Variants in SLC4A4 observed in about 807,000 individuals in gnomAD.
The protein encoded by SLC4A4 is solute carrier family 4 member 4.
A neutral mutation model predicts 111.5 loss-of-function variants in SLC4A4; 27 were observed. The observed-to-expected ratio is 0.24, with a 90% CI of 0.18 to 0.33. SLC4A4 has a LOEUF of 0.33. SLC4A4 is among the 10% of genes least tolerant of loss of function. The pLI, the probability that SLC4A4 is intolerant of heterozygous loss-of-function variation, is 1.00. For missense variants in SLC4A4, 909 were observed against 1,315.5 expected, an observed-to-expected ratio of 0.69 and a Z score of 4.78; for synonymous variants, 443 against 463.4, an observed-to-expected ratio of 0.96 and a Z score of 0.57.
intron 1 of SLC4A4, among the ~76,000 whole-genome samples, chr4:71,066,228 G>C (rs1432735145): frequency 6.6e-6 from 1 of 152,148 alleles, no homozygotes; most frequent in Admixed American, 6.5e-5. Context: ...ATTTGAACCA[G>C]GATCTCTCTG....
chr4:71,219,543 C>T (rs1477438148), intron 1 of SLC4A4, among the ~76,000 whole-genome samples: 1 of 152,194 alleles, frequency 6.6e-6, no homozygotes, highest in African/African-American at 2.4e-5. Flanking sequence ...CATTCTGCAG[C>T]TCATGGATCA....
At chr4:71,076,548 A>C (rs1741835218) in intron 1 of SLC4A4, among the ~76,000 whole-genome samples, 2 of 151,788 alleles carry the variant, frequency 1.3e-5, no homozygotes, top group Non-Finnish European at 2.9e-5. Context: ...AAAAAAAAGT[A>C]TCAACTTTAA....
chr4:71,390,859 A>G (rs768118014), intron 6 of SLC4A4, among the ~76,000 whole-genome samples: 2 of 152,150 alleles, frequency 1.3e-5, no homozygotes, highest in Non-Finnish European at 2.9e-5. Context: ...CTATGTGACC[A>G]TGAACTTAAC....
intron 1 of SLC4A4, among the ~76,000 whole-genome samples, chr4:71,067,758 T>G (rs1741559295): frequency 1.3e-5 from 2 of 152,124 alleles, no homozygotes; most frequent in African/African-American, 2.4e-5. Context: ...TTAAACTTTT[T>G]TTTTTTTGAG....
intron 12 of SLC4A4, among the ~76,000 whole-genome samples, chr4:71,455,875 T>C (rs1577948779): frequency 6.6e-6 from 1 of 152,178 alleles, no homozygotes; most frequent in East Asian, 1.9e-4. Flanking sequence ...AACTTCTTTA[T>C]GAGTAGGTTT....
intron 6 of SLC4A4, among the ~76,000 whole-genome samples, chr4:71,366,487 A>G (rs1731337961): frequency 1.3e-5 from 2 of 152,126 alleles, no homozygotes; most frequent in African/African-American, 4.8e-5. Context: ...CTTTTTCTAC[A>G]GTCTAAATAT....
In SLC4A4 at chr4:71,557,578, T is replaced by G. The variant is rs1736584463; in HGVS notation, c.2764-134T>G. On this transcript the variant is annotated intron_variant, in intron 21 of 25. Coordinates refer to ENST00000264485, the MANE Select transcript of SLC4A4 (RefSeq NM_001098484.3). ...GTGCTTGACTAAATTTCTGCATTCC[T>G]TGACCATTCCTTTGTCCTCTGAAAA... 4 of 843,408 alleles carry G rather than the reference T, an allele frequency of 4.7e-6. No individual in the cohort carries two copies. The South Asian group carries it at 5.8e-5, about 12-fold the overall frequency. The allele number at this position is 843,408 out of a possible 1,614,324, so 52.2% of individuals were successfully genotyped here.
At chr4:71,364,709 T>G (rs1341891598) in intron 6 of SLC4A4, among the ~76,000 whole-genome samples, 6 of 152,202 alleles carry the variant, frequency 3.9e-5, no homozygotes, top group Admixed American at 3.9e-4. Flanking sequence ...AGATTAGGCT[T>G]CAACAGAAGA....
At chr4:71,379,421 G>T (rs1055337393) in intron 6 of SLC4A4, among the ~76,000 whole-genome samples, 1 of 151,846 alleles carries the variant, frequency 6.6e-6, no homozygotes, top group Admixed American at 6.6e-5. Context: ...TGTTCCAATT[G>T]CCCCCTCTTG....
intron 2 of SLC4A4, among the ~76,000 whole-genome samples, chr4:71,114,240 G>A (rs918350267): frequency 2.0e-5 from 3 of 151,952 alleles, no homozygotes; most frequent in African/African-American, 4.8e-5. Context: ...AGCGAGACTC[G>A]CTCTCAAAAA....
intron 9 of SLC4A4, among the ~76,000 whole-genome samples, chr4:71,448,479 AT>A (rs1377127799): frequency 6.6e-6 from 1 of 152,008 alleles, no homozygotes; most frequent in African/African-American, 2.4e-5. Flanking sequence ...TGGATAATGC[AT>A]TTTTTCTTAG....
chr4:71,553,580 G>C (rs1383851417), intron 20 of SLC4A4, among the ~76,000 whole-genome samples: 1 of 151,530 alleles, frequency 6.6e-6, no homozygotes, highest in Non-Finnish European at 1.5e-5. Context: ...TTTCCTTCCA[G>C]CTGCCCCACC....
rs1383476914 is a variant in SLC4A4 at position 71,438,693 on chromosome 4, A to AAT, written c.808-1921_808-1920dup. On this transcript the variant is annotated intron_variant, in intron 7 of 25. Coordinates refer to ENST00000264485, the MANE Select transcript of SLC4A4 (RefSeq NM_001098484.3). ...TCTCAAATCCTTCTACCAGAACTTT[A>AAT]ATAACATTTATTCAAAATCAAATAT... Among the ~76,000 whole-genome samples, 51 of 152,302 alleles carry AAT rather than the reference A, an allele frequency of 3.3e-4. 1 individual carries two copies. The highest frequency in any genetic ancestry group is 3.0e-3 in the Admixed American group (46 of 15,300).
chr4:71,494,365 A>T (rs1232084103), intron 15 of SLC4A4, among the ~76,000 whole-genome samples: 1 of 151,984 alleles, frequency 6.6e-6, no homozygotes, highest in African/African-American at 2.4e-5. Context: ...CCAGGCTGGC[A>T]TATAGCGGCA....
intron 2 of SLC4A4, among the ~76,000 whole-genome samples, chr4:71,172,757 A>C (rs1016906840): frequency 1.3e-5 from 2 of 152,220 alleles, no homozygotes; most frequent in African/African-American, 4.8e-5. Context: ...CATCAGGCTC[A>C]GTGCCTAGAT....
intron 7 of SLC4A4, among the ~76,000 whole-genome samples, chr4:71,436,018 G>A (rs368361549): frequency 6.6e-6 from 1 of 152,200 alleles, no homozygotes; most frequent in East Asian, 1.9e-4. Flanking sequence ...CAAGGATCTT[G>A]AACTAGAAAT....
intron 14 of SLC4A4, among the ~76,000 whole-genome samples, chr4:71,485,242 C>G (rs569136765): frequency 6.6e-6 from 1 of 151,728 alleles, no homozygotes; most frequent in South Asian, 2.1e-4. Flanking sequence ...CAAGTTTTGC[C>G]CATTCAATAT....
intron 2 of SLC4A4, among the ~76,000 whole-genome samples, chr4:71,243,744 G>A (rs925596218): frequency 6.6e-6 from 1 of 152,124 alleles, no homozygotes; most frequent in Non-Finnish European, 1.5e-5. Flanking sequence ...TAGCTGAAAA[G>A]TTTTCAAATC....
At chr4:71,367,157 T>A (rs1731411751) in intron 6 of SLC4A4, among the ~76,000 whole-genome samples, 1 of 152,192 alleles carries the variant, frequency 6.6e-6, no homozygotes, top group Non-Finnish European at 1.5e-5. Context: ...ACTGACAGGT[T>A]GAGGGGAGTA....
Sources: allele counts gnomAD v4.1 joint callset (sites outside exome capture counted in the v4.1 genomes callset), GRCh38; gene constraint gnomAD v4.1.1; transcripts MANE v1.5; gene names NCBI Gene and HGNC (gene_info 2026-07-23, HGNC 2026-07-21).